The following MYB variants were observed in gnomAD, a reference collection of about 807,000 sequenced individuals.
MYB encodes the protein transcriptional activator Myb.
A neutral mutation model predicts 92.9 loss-of-function variants in MYB; 28 were observed. The observed-to-expected ratio is 0.30, with a 90% CI of 0.22 to 0.41. The LOEUF (loss-of-function observed/expected upper bound fraction) is 0.41, where lower values mean the gene tolerates loss of function less well. Among genes scored for constraint, MYB ranks in the 10% least tolerant of loss-of-function variants. MYB has a pLI of 1.00. For synonymous variants in MYB, 295 were observed against 329.1 expected (o/e 0.90, Z 1.12); for missense variants, 679 against 929.3 (o/e 0.73, Z 3.50).
In MYB at chr6:135,195,745, T is replaced by G. The variant is rs1464279733; in HGVS notation, c.949-3T>G. 6.2e-7 allele frequency: 1 copy of G among 1,613,880 alleles called. No homozygotes were observed. Among genetic ancestry groups the G allele is most frequent in the South Asian group, 1.1e-5 (1 of 91,074 alleles). ...TATTTCTACACCCTTCCCCCTTCCTTAGACACAGAACCACACATGCAGCTA... is the reference window on the plus strand; with the variant it reads ...TATTTCTACACCCTTCCCCCTTCCTGAGACACAGAACCACACATGCAGCTA... On this transcript the variant is annotated splice_polypyrimidine_tract_variant and splice_region_variant and intron_variant, in intron 8 of 15. Coordinates refer to ENST00000341911, the MANE Select transcript of MYB (RefSeq NM_001130173.2).
intron 14 of MYB, among the ~76,000 whole-genome samples, 191 bp downstream of exon 14, chr6:135,201,940 A>G (rs565139339): frequency 6.6e-6 from 1 of 152,348 alleles, no homozygotes; most frequent in Non-Finnish European, 1.5e-5. Flanking sequence ...TTTTTCATGT[A>G]TTAGAAACAT....
chr6:135,188,783 T>G (rs1776276225), intron 3 of MYB, among the ~76,000 whole-genome samples: 1 of 152,158 alleles, frequency 6.6e-6, no homozygotes, highest in African/African-American at 2.4e-5. Flanking sequence ...GTGCTAGGAT[T>G]GCAGGCATGA....
intron 6 of MYB, among the ~76,000 whole-genome samples, chr6:135,193,565 A>G (rs1051649499): frequency 1.3e-5 from 2 of 151,788 alleles, no homozygotes; most frequent in South Asian, 4.1e-4. Context: ...TGTTTTTTTC[A>G]TTGTGTTTTT....
At chr6:135,206,168 T>C (rs1032976080) in intron 15 of MYB, among the ~76,000 whole-genome samples, 4 of 127,464 alleles carry the variant, frequency 3.1e-5, no homozygotes, top group Non-Finnish European at 4.7e-5. Flanking sequence ...ATAGCGCCAC[T>C]ACACTCCGGC....
At position 135,189,890 on chromosome 6, in the gene MYB, T is replaced by A. The variant is rs112083682; in HGVS notation, c.306+7T>A. The A allele has an allele frequency of 1.2e-6, 2 of 1,607,536 alleles. No homozygotes were observed. The highest frequency in any genetic ancestry group is 1.3e-5 in the African/African-American group (1 of 74,732). Reference sequence around the variant, plus strand: ...CAAAGAAGAAGATCAGAGAGTAAGTTCTTTCTTCATTGGTGTGTGACTCAT... The same window carrying A: ...CAAAGAAGAAGATCAGAGAGTAAGTACTTTCTTCATTGGTGTGTGACTCAT... On this transcript the variant is annotated splice_region_variant and intron_variant, in intron 4 of 15. Coordinates refer to ENST00000341911, the MANE Select transcript of MYB (RefSeq NM_001130173.2).
At position 135,190,771 on chromosome 6, in the gene MYB, A is replaced by G. The variant is rs1776520299; in HGVS notation, c.527+424A>G. On this transcript the variant is annotated intron_variant, in intron 5 of 15. Transcript: ENST00000341911. This position sits in a 1 kb window ranked among gnomAD's most constrained non-coding sequence, Gnocchi z 4.5. ...CTCAGCTACCATTTTCCTGATAACC[A>G]TCATTCATTTCTTTTATTTTTTTTA... Among the ~76,000 whole-genome samples the G allele has an allele frequency of 6.6e-6, 1 of 152,140 alleles. No homozygotes were observed. The highest frequency in any genetic ancestry group is 2.1e-4 in the South Asian group (1 of 4,826).
chr6:135,189,992 A>G (rs1270745472), intron 4 of MYB, 109 bp downstream of exon 4: 33 of 1,377,682 alleles, frequency 2.4e-5, no homozygotes, highest in Non-Finnish European at 3.2e-5. Context: ...GAAGTAGAGG[A>G]CTCTATTCCC....
rs1583461767 is a variant in MYB at position 135,218,380 on chromosome 6, A to C, written c.*400A>C. 2 of 235,454 alleles carry C rather than the reference A, an allele frequency of 8.5e-6. No homozygotes were observed. Among genetic ancestry groups the C allele is most frequent in the African/African-American group, 2.3e-5 (1 of 43,454 alleles). 14.6% of individuals were successfully genotyped at this position (235,454 alleles called of 1,614,324 possible). A position where few individuals can be genotyped will look rare whatever the true frequency, so the allele number is the denominator to read the frequency against. On this transcript the variant is annotated 3_prime_UTR_variant, in exon 16 of 16. Transcript: ENST00000341911. ...GTATTTCACTTTTCTCGATCACTAA[A>C]CATATGCATATATTTTTAAAAATCA... is the stretch of plus-strand genomic sequence containing the variant.
intron 2 of MYB, among the ~76,000 whole-genome samples, chr6:135,186,228 T>C (rs1020153575): frequency 3.9e-5 from 6 of 152,248 alleles, no homozygotes; most frequent in African/African-American, 1.4e-4. Flanking sequence ...TGTCCTCTTC[T>C]CATTTTAGGC....
In MYB at chr6:135,190,009, C is replaced by T; in HGVS notation, c.307-118C>T. 1 of 1,404,870 alleles carries T rather than the reference C, an allele frequency of 7.1e-7. No homozygotes were observed. The allele number at this position is 1,404,870 out of a possible 1,614,324, so 87.0% of individuals were successfully genotyped here. A position where few individuals can be genotyped will look rare whatever the true frequency, so the allele number is the denominator to read the frequency against. ...AGTAGAGGACTCTATTCCCATATTT[C>T]CAGTGAATGAAAGCAAATTTTGGAA... On this transcript the variant is annotated intron_variant, in intron 4 of 15. Coordinates refer to ENST00000341911, the MANE Select transcript of MYB (RefSeq NM_001130173.2). This position sits in a 1 kb window ranked among gnomAD's most constrained non-coding sequence, Gnocchi z 4.5.
intron 8 of MYB, chr6:135,195,357 C>CACCATTAAAAAA: frequency 5.6e-6 from 1 of 177,546 alleles, no homozygotes; most frequent in South Asian, 1.1e-4. Context: ...CCTGAGTCCT[C>CACCATTAAAAAA]TAGCTTTTTT....
At chr6:135,183,944 G>A (rs901557676) in intron 1 of MYB, among the ~76,000 whole-genome samples, 1 of 152,192 alleles carries the variant, frequency 6.6e-6, no homozygotes, top group Non-Finnish European at 1.5e-5. Context: ...ATTTGTCCAA[G>A]TCATACAGCT....
intron 6 of MYB, 146 bp from the exon 7 acceptor site, chr6:135,193,691 TA>T (rs34931156): frequency 0.16 from 82,367 of 507,852 alleles, 7,784 homozygotes; most frequent in Non-Finnish European, 0.2. Flanking sequence ...AATTTCACAT[TA>T]AAAGGTTTTA....
intron 15 of MYB, among the ~76,000 whole-genome samples, chr6:135,205,707 A>G (rs993838614): frequency 9.8e-5 from 15 of 152,290 alleles, no homozygotes; most frequent in African/African-American, 3.1e-4. Flanking sequence ...TTGAAAGTTA[A>G]TTTTAGAGTC....
rs762027315 is a variant in MYB, at chr6:135,195,959, A to C, written c.1160A>C (p.Lys387Thr). Residue 387 changes from lysine to threonine, a missense_variant, in exon 9 of 16, where the codon AAG (lysine) becomes ACG (threonine). Lys to Thr is a moderately conservative substitution (Grantham distance 78). Coordinates refer to ENST00000341911, the MANE Select transcript of MYB (RefSeq NM_001130173.2). ...CAGGGCACCATTCTGGATAATGTTAAGAACCTCTTAGAATTTGCAGAAACA... is the reference window on the plus strand; with the variant it reads ...CAGGGCACCATTCTGGATAATGTTACGAACCTCTTAGAATTTGCAGAAACA... ...VHQGTILDNVKNLLEFAETLQ... is the reference protein window; with the variant it reads ...VHQGTILDNVTNLLEFAETLQ... 6.2e-7 allele frequency: 1 copy of C among 1,614,176 alleles called. No homozygotes were observed. Among genetic ancestry groups the C allele is most frequent in the East Asian group, 2.2e-5 (1 of 44,884 alleles).
chr6:135,217,999 T>C lies in MYB; in HGVS notation c.*19T>C, dbSNP rs765136014. On this transcript the variant is annotated 3_prime_UTR_variant, in exon 16 of 16. Transcript: ENST00000341911. ...CATGTGAGACATTTCCAGAAAAGCATTATGGTTTTCAGAACACTTCAAGTT... is the reference window on the plus strand; with the variant it reads ...CATGTGAGACATTTCCAGAAAAGCACTATGGTTTTCAGAACACTTCAAGTT... The C allele has an allele frequency of 1.3e-6, 2 of 1,555,436 alleles. No individual in the cohort carries two copies. Among genetic ancestry groups the C allele is most frequent in the East Asian group, 2.2e-5 (1 of 44,570 alleles).
intron 15 of MYB, among the ~76,000 whole-genome samples, chr6:135,208,994 T>C (rs1779359586): frequency 6.6e-6 from 1 of 152,184 alleles, no homozygotes; most frequent in African/African-American, 2.4e-5. Context: ...CTATCCACTA[T>C]GATAGCCAGT....
intron 9 of MYB, 72 bp downstream of exon 9, chr6:135,196,074 C>A: frequency 6.7e-7 from 1 of 1,481,532 alleles, no homozygotes; most frequent in Non-Finnish European, 9.3e-7. Flanking sequence ...TAAATCATTG[C>A]CATTTTCTAT....
rs1775287219 is a variant in MYB, at chr6:135,182,861, G to A, written c.23+1325G>A. 6.6e-6 allele frequency among the ~76,000 whole-genome samples: 1 copy of A among 152,128 alleles called. No individual in the cohort carries two copies. The highest frequency in any genetic ancestry group is 2.4e-5 in the African/African-American group (1 of 41,428). On this transcript the variant is annotated intron_variant, in intron 1 of 15. Coordinates refer to ENST00000341911, the MANE Select transcript of MYB (RefSeq NM_001130173.2). The surrounding 1 kb of genome is among the most constrained non-coding windows in gnomAD (Gnocchi z 5.6). ...GGGGAGCAGCGCCGGGGCTTGGTTG[G>A]GCTCTGGGGACGAGAGGGCGACTTG...
Sources: allele counts gnomAD v4.1 joint callset (sites outside exome capture counted in the v4.1 genomes callset), GRCh38; gene constraint gnomAD v4.1.1; non-coding constraint Gnocchi (gnomAD v3.1); transcripts MANE v1.5; gene names NCBI Gene and HGNC (gene_info 2026-07-23, HGNC 2026-07-21).